CERKL: variants seen among roughly 807,000 people sequenced by gnomAD.
CERKL encodes the protein CERK like autophagy regulator.
Under a neutral mutation model 63.4 loss-of-function variants are expected in CERKL, and 61 were observed. The ratio of observed to expected loss-of-function variants is 0.96; its 90% CI spans 0.78 to 1.19. CERKL has a LOEUF of 1.19. Ranked by LOEUF, CERKL falls within the 50% of genes most tolerant of loss-of-function variation. CERKL has a pLI of 0.00. For missense variants in CERKL, 675 were observed against 655.5 expected (o/e 1.03, Z -0.33); for synonymous variants, 250 against 230.5 (o/e 1.08, Z -0.77).
chr2:181,574,385 G>T (rs1211704080), intron 2 of CERKL, among the ~76,000 whole-genome samples: 1 of 152,206 alleles, frequency 6.6e-6, no homozygotes, highest in African/African-American at 2.4e-5. Context: ...GCAGGGATGG[G>T]TCAGTGTCAG....
At chr2:181,633,312 C>T (rs544645774) in intron 1 of CERKL, among the ~76,000 whole-genome samples, 4 of 152,180 alleles carry the variant, frequency 2.6e-5, no homozygotes, top group South Asian at 2.1e-4. Context: ...TGAATGAGCA[C>T]GGAGATGGAA....
chr2:181,568,141 A>G (rs1160725430), intron 3 of CERKL, among the ~76,000 whole-genome samples: 1 of 152,156 alleles, frequency 6.6e-6, no homozygotes, highest in African/African-American at 2.4e-5. Flanking sequence ...CTTAAGGTTG[A>G]TATTCAATGT....
chr2:181,568,757 C>T lies in CERKL; in HGVS notation c.614-2636G>A, dbSNP rs933909647. On this transcript the variant is annotated intron_variant, in intron 3 of 12. Transcript: ENST00000410087. ...TGTGCAGGTTAGTTACATATGTATA[C>T]ATGTGCCATGCTGGTGCGCTGCACC... Among the ~76,000 whole-genome samples the T allele has an allele frequency of 4.7e-5, 7 of 149,160 alleles. No homozygotes were observed. The East Asian group carries it at 5.9e-4, about 13-fold the overall frequency.
At chr2:181,565,493 A>G (rs753738493) in intron 4 of CERKL, 2 of 1,611,030 alleles carry the variant, frequency 1.2e-6, no homozygotes, top group East Asian at 4.5e-5. Context: ...TATTGCGAAC[A>G]ATGGTTTCCG....
At chr2:181,639,558 T>C (rs1362157117) in intron 1 of CERKL, among the ~76,000 whole-genome samples, 1 of 152,232 alleles carries the variant, frequency 6.6e-6, no homozygotes, top group Admixed American at 6.5e-5. Flanking sequence ...CTTAAAAGCC[T>C]GAAAGAAGTC....
chr2:181,614,187 A>C (rs1686092646), intron 1 of CERKL, among the ~76,000 whole-genome samples: 1 of 152,202 alleles, frequency 6.6e-6, no homozygotes, highest in Non-Finnish European at 1.5e-5. Flanking sequence ...GAGGTTTCTC[A>C]GGTTTCCAGG....
intron 2 of CERKL, 105 bp from the exon 3 acceptor site, chr2:181,573,989 A>T: frequency 9.9e-7 from 1 of 1,008,258 alleles, no homozygotes. Flanking sequence ...ATGCATTTAA[A>T]TAGTATTTGC....
intron 3 of CERKL, among the ~76,000 whole-genome samples, chr2:181,567,709 T>C (rs1032961730): frequency 2.0e-5 from 3 of 152,158 alleles, no homozygotes; most frequent in Admixed American, 6.6e-5. Context: ...ATTCTGGAGA[T>C]AGACAATATA....
intron 5 of CERKL, among the ~76,000 whole-genome samples, chr2:181,557,835 C>T (rs1688277245): frequency 6.6e-6 from 1 of 152,140 alleles, no homozygotes; most frequent in South Asian, 2.1e-4. Context: ...CTGGGTTTTG[C>T]CTTTGCTTTA....
At position 181,545,738 on chromosome 2, in the gene CERKL, A is replaced by G. The variant is rs533920832; in HGVS notation, c.1269-942T>C. ...CTTTCCATCATGCTTCTTCTTCCCAATTAAAAATAAACAGCACCAAAACGT... is the reference window on the plus strand; with the variant it reads ...CTTTCCATCATGCTTCTTCTTCCCAGTTAAAAATAAACAGCACCAAAACGT... On this transcript the variant is annotated intron_variant, in intron 10 of 12. Transcript: ENST00000410087. Among the ~76,000 whole-genome samples, 64 of 152,282 alleles carry G rather than the reference A, an allele frequency of 4.2e-4. 1 individual carries two copies. The highest frequency in any genetic ancestry group is 2.1e-3 in the South Asian group (10 of 4,816).
chr2:181,644,140 C>A (rs1214263157), intron 1 of CERKL, among the ~76,000 whole-genome samples: 1 of 152,212 alleles, frequency 6.6e-6, no homozygotes, highest in African/African-American at 2.4e-5. Flanking sequence ...CTGTCCATGT[C>A]CCCTTTCTGA....
chr2:181,639,581 T>C (rs1391693832), intron 1 of CERKL, among the ~76,000 whole-genome samples: 1 of 152,182 alleles, frequency 6.6e-6, no homozygotes, highest in Non-Finnish European at 1.5e-5. Context: ...ATAATGTTGT[T>C]TCAAAGGTTT....
chr2:181,563,162 A>G (rs780158130), intron 4 of CERKL, among the ~76,000 whole-genome samples: 14 of 152,110 alleles, frequency 9.2e-5, no homozygotes, highest in Non-Finnish European at 1.8e-4. Context: ...CATGCCCAGT[A>G]AAATAGGGAG....
At position 181,550,464 on chromosome 2, in the gene CERKL, C is replaced by G. The variant is rs56081507; in HGVS notation, c.821-756G>C. On this transcript the variant is annotated intron_variant, in intron 5 of 12. Transcript: ENST00000410087. The surrounding 1 kb of genome is among the most constrained non-coding windows in gnomAD (Gnocchi z 4.5). ...TCTGAGATACAGGGGACTATACCAGCTAGCCCTTCCCATTCCCAGGAGGCT... is the reference window on the plus strand; with the variant it reads ...TCTGAGATACAGGGGACTATACCAGGTAGCCCTTCCCATTCCCAGGAGGCT... 0.12 allele frequency among the ~76,000 whole-genome samples: 18,051 copies of G among 152,148 alleles called. 1,228 individuals carry two copies. The highest frequency in any genetic ancestry group is 0.22 in the East Asian group (1,130 of 5,182).
At chr2:181,626,281 G>T (rs567768843) in intron 1 of CERKL, among the ~76,000 whole-genome samples, 1 of 151,888 alleles carries the variant, frequency 6.6e-6, no homozygotes, top group African/African-American at 2.4e-5. Context: ...GAGAAAAAGC[G>T]AACAACAGAG....
chr2:181,572,177 T>C (rs903830273), intron 3 of CERKL, among the ~76,000 whole-genome samples: 17 of 152,128 alleles, frequency 1.1e-4, no homozygotes, highest in African/African-American at 3.9e-4. Flanking sequence ...TTCCCTCATT[T>C]TTTGTCTGCC....
intron 2 of CERKL, among the ~76,000 whole-genome samples, chr2:181,595,344 T>G (rs1685157546): frequency 6.6e-6 from 1 of 152,148 alleles, no homozygotes; most frequent in Admixed American, 6.5e-5. Flanking sequence ...TATTGAGAAA[T>G]TATGAATGCT....
intron 2 of CERKL, among the ~76,000 whole-genome samples, chr2:181,588,709 C>T (rs1684864596): frequency 6.6e-6 from 1 of 152,168 alleles, no homozygotes; most frequent in African/African-American, 2.4e-5. Context: ...CTGTCACTAA[C>T]AGTGGGCTAG....
intron 3 of CERKL, among the ~76,000 whole-genome samples, chr2:181,569,556 T>C (rs2105839499): frequency 6.6e-6 from 1 of 152,258 alleles, no homozygotes; most frequent in South Asian, 2.1e-4. Flanking sequence ...AACACCACTT[T>C]CTTGACAACT....
Sources: gnomAD v4.1 joint callset for allele counts (sites outside exome capture counted in the v4.1 genomes callset) on GRCh38, gnomAD v4.1.1 for gene constraint, Gnocchi (gnomAD v3.1) non-coding constraint, MANE v1.5 for transcripts, NCBI Gene and HGNC (gene_info 2026-07-23, HGNC 2026-07-21) for gene names.